The following ME3 variants were observed in gnomAD, a reference collection of about 807,000 sequenced individuals.
The protein encoded by ME3 is malic enzyme 3, also known as NADP-dependent malic enzyme, mitochondrial.
Under a neutral mutation model 68.9 loss-of-function variants are expected in ME3, and 48 were observed. That is an observed-to-expected ratio of 0.70 (90% confidence interval 0.55 to 0.89). ME3 has a LOEUF of 0.89. Among genes scored for constraint, ME3 ranks in the 40% least tolerant of loss-of-function variants. The pLI, the probability that ME3 is intolerant of heterozygous loss-of-function variation, is 0.00. For synonymous variants in ME3, 320 were observed against 318.8 expected, an observed-to-expected ratio of 1.00 and a Z score of -0.04; for missense variants, 675 against 797.4, an observed-to-expected ratio of 0.85 and a Z score of 1.85.
intron 4 of ME3, among the ~76,000 whole-genome samples, chr11:86,551,075 C>T (rs7930619): frequency 6.6e-5 from 10 of 151,912 alleles, no homozygotes; most frequent in East Asian, 5.8e-4. Context: ...ACATATTGAG[C>T]GGGAAGTAGG....
intron 2 of ME3, among the ~76,000 whole-genome samples, chr11:86,567,226 AAAG>A (rs199930568): frequency 0.073 from 8,827 of 120,860 alleles, 402 homozygotes; most frequent in African/African-American, 0.15. Flanking sequence ...AGAAAGAAAG[AAAG>A]AAAGAAAAGA....
At chr11:86,448,159 C>T in exon 11 of ME3, 1 of 1,612,554 alleles carries the variant, frequency 6.2e-7, no homozygotes. Context: ...CCTATGATGG[C>T]TGTGGGCTTC....
intron 14 of ME3, among the ~76,000 whole-genome samples, chr11:86,442,205 T>G (rs1949035027): frequency 6.6e-6 from 1 of 152,180 alleles, no homozygotes; most frequent in Non-Finnish European, 1.5e-5. Flanking sequence ...TGAAAACCCA[T>G]CATCTCTGCA....
chr11:86,513,704 G>A (rs1953695882), intron 4 of ME3, among the ~76,000 whole-genome samples: 1 of 152,196 alleles, frequency 6.6e-6, no homozygotes, highest in South Asian at 2.1e-4. Flanking sequence ...TAGGGATTAT[G>A]ATGATAAGCA....
downstream of ME3, among the ~76,000 whole-genome samples, chr11:86,440,724 G>C (rs1183914228): frequency 6.6e-6 from 1 of 152,172 alleles, no homozygotes; most frequent in Non-Finnish European, 1.5e-5. Context: ...TAAACTCCCT[G>C]ATGGGTGGGC....
intron 7 of ME3, among the ~76,000 whole-genome samples, chr11:86,477,038 G>T (rs964336218): frequency 1.3e-4 from 20 of 152,124 alleles, no homozygotes; most frequent in African/African-American, 4.6e-4. Context: ...AATAATAATA[G>T]CAAACATGAT....
chr11:86,477,786 G>A (rs925627848), intron 7 of ME3, among the ~76,000 whole-genome samples: 2 of 152,114 alleles, frequency 1.3e-5, no homozygotes, highest in African/African-American at 2.4e-5. Flanking sequence ...TGCTTGGTGC[G>A]ATGGAAGTGA....
chr11:86,474,198 TG>T (rs1425860482), intron 7 of ME3, among the ~76,000 whole-genome samples: 2 of 152,192 alleles, frequency 1.3e-5, no homozygotes, highest in Admixed American at 6.5e-5. Flanking sequence ...CTCCTGAGAC[TG>T]GGATTCTGGC....
chr11:86,589,033 A>G (rs563295258), intron 2 of ME3, among the ~76,000 whole-genome samples: 1 of 152,302 alleles, frequency 6.6e-6, no homozygotes, highest in Admixed American at 6.5e-5. Context: ...AAGGCCCTTA[A>G]TAGAAAAGCT....
chr11:86,647,597 G>A (rs1353050541), intron 2 of ME3, among the ~76,000 whole-genome samples: 2 of 152,058 alleles, frequency 1.3e-5, no homozygotes, highest in South Asian at 2.1e-4. Flanking sequence ...AAAAGCAGGG[G>A]TTGCAATACT....
chr11:86,529,413 A>G (rs1955028656), intron 4 of ME3, among the ~76,000 whole-genome samples: 1 of 152,218 alleles, frequency 6.6e-6, no homozygotes. Context: ...TTCACAGCCG[A>G]ATTCTACCAG....
intron 4 of ME3, among the ~76,000 whole-genome samples, chr11:86,510,889 A>G (rs934829217): frequency 1.6e-4 from 24 of 152,214 alleles, no homozygotes; most frequent in African/African-American, 5.5e-4. Context: ...ATTATGACTC[A>G]AAGACAAGAA....
intron 4 of ME3, among the ~76,000 whole-genome samples, chr11:86,517,513 C>A (rs775095847): frequency 2.0e-5 from 3 of 152,096 alleles, no homozygotes; most frequent in Non-Finnish European, 2.9e-5. Context: ...ATGCTCAGTT[C>A]CAATTTAATC....
chr11:86,492,467 G>A lies in ME3; in HGVS notation c.706-5027C>T, dbSNP rs75843468. Among the ~76,000 whole-genome samples, 927 of 152,314 alleles carry A rather than the reference G, an allele frequency of 6.1e-3. 8 individuals are homozygous for A. The highest frequency in any genetic ancestry group is 0.021 in the African/African-American group (889 of 41,558). On this transcript the variant is annotated intron_variant, in intron 6 of 14. Transcript: ENST00000543262. ...TGGAAACAACAAGGCAGAAATCATG[G>A]TTTCTAGACCAGGACTCTTCCCAGG...
At chr11:86,462,464 C>T (rs1030981150) in intron 8 of ME3, 1 of 735,326 alleles carries the variant, frequency 1.4e-6, no homozygotes, top group African/African-American at 1.9e-5. Context: ...GGGGCATTGG[C>T]ACCTGTAACC....
At chr11:86,508,390 T>C (rs1459971472) in intron 5 of ME3, among the ~76,000 whole-genome samples, 2 of 152,194 alleles carry the variant, frequency 1.3e-5, no homozygotes, top group Non-Finnish European at 2.9e-5. Flanking sequence ...TGTACTTTAT[T>C]TATCTCTGGA....
chr11:86,461,194 T>C (rs1380275753), intron 8 of ME3, among the ~76,000 whole-genome samples: 1 of 152,146 alleles, frequency 6.6e-6, no homozygotes, highest in Non-Finnish European at 1.5e-5. Flanking sequence ...AAATCAGACA[T>C]AATGGGGTTC....
chr11:86,567,801 C>T (rs545127695), intron 2 of ME3, among the ~76,000 whole-genome samples: 16 of 152,326 alleles, frequency 1.1e-4, no homozygotes, highest in Non-Finnish European at 1.5e-4. Context: ...AGTTGCACCA[C>T]GGCCTCCAAC....
intron 9 of ME3, 67 bp from the exon 10 acceptor site, chr11:86,450,069 C>T: frequency 7.6e-7 from 1 of 1,316,464 alleles, no homozygotes; most frequent in Non-Finnish European, 1.1e-6. Context: ...TATCTGATGT[C>T]TTGCCATAAG....
Sources: allele counts gnomAD v4.1 joint callset (sites outside exome capture counted in the v4.1 genomes callset), GRCh38; gene constraint gnomAD v4.1.1; transcripts MANE v1.5; gene names NCBI Gene and HGNC (gene_info 2026-07-23, HGNC 2026-07-21).